DLC1: variants seen among roughly 807,000 people sequenced by gnomAD.
DLC1 encodes the protein rho GTPase-activating protein 7.
Under a neutral mutation model 140.3 loss-of-function variants are expected in DLC1, and 54 were observed. The ratio of observed to expected loss-of-function variants is 0.38; its 90% confidence interval spans 0.31 to 0.48. The LOEUF (loss-of-function observed/expected upper bound fraction) is 0.48. Ranked by LOEUF, DLC1 falls within the 20% of genes least tolerant of loss-of-function variation. DLC1 has a pLI of 0.96. For missense variants in DLC1, 2,536 were observed against 1,907.0 expected, an observed-to-expected ratio of 1.33 and a Z score of -6.14; for synonymous variants, 986 against 728.1, an observed-to-expected ratio of 1.35 and a Z score of -5.70.
chr8:13,381,102 G>A (rs1029914883), intron 4 of DLC1, among the ~76,000 whole-genome samples: 1 of 152,164 alleles, frequency 6.6e-6, no homozygotes, highest in African/African-American at 2.4e-5. Flanking sequence ...GCTTGTTGGG[G>A]TGTCTAGCTG....
At chr8:13,282,166 T>C (rs1831386489) in intron 5 of DLC1, among the ~76,000 whole-genome samples, 3 of 152,230 alleles carry the variant, frequency 2.0e-5, no homozygotes, top group Admixed American at 6.5e-5. Context: ...GAATTCTAGC[T>C]ATTAGTATAT....
intron 5 of DLC1, among the ~76,000 whole-genome samples, chr8:13,195,123 C>T (rs1826974460): frequency 6.6e-6 from 1 of 152,198 alleles, no homozygotes; most frequent in Non-Finnish European, 1.5e-5. Flanking sequence ...GGCTATTTCT[C>T]ATTTATTTGG....
chr8:13,211,165 A>G (rs1435768413), intron 5 of DLC1, among the ~76,000 whole-genome samples: 7 of 152,168 alleles, frequency 4.6e-5, no homozygotes, highest in African/African-American at 1.7e-4. Flanking sequence ...ACGACCTGGA[A>G]GTTACATTAT....
chr8:13,339,954 C>T (rs1370625836), intron 4 of DLC1: 2 of 152,120 alleles, frequency 1.3e-5, no homozygotes, highest in African/African-American at 4.8e-5. Flanking sequence ...CTGCCATAAT[C>T]CTCGGGAGAC....
At chr8:13,598,600 T>G (rs1238806975) in intron 1 of DLC1, among the ~76,000 whole-genome samples, 1 of 152,142 alleles carries the variant, frequency 6.6e-6, no homozygotes, top group Non-Finnish European at 1.5e-5. Context: ...TTTGAAAGTT[T>G]TATTTCAATC....
intron 2 of DLC1, among the ~76,000 whole-genome samples, chr8:13,498,442 G>A (rs1315466914): frequency 1.2e-4 from 19 of 152,106 alleles, no homozygotes; most frequent in Non-Finnish European, 1.5e-5. Flanking sequence ...GCCTTTTCTG[G>A]TTGACAGTTA....
intron 1 of DLC1, among the ~76,000 whole-genome samples, chr8:13,529,823 C>A (rs548637134): frequency 9.9e-5 from 15 of 152,238 alleles, no homozygotes; most frequent in African/African-American, 3.6e-4. Context: ...CTCCTGCATA[C>A]TAAGTTGAAT....
intron 4 of DLC1, among the ~76,000 whole-genome samples, chr8:13,338,316 A>G (rs1833891587): frequency 6.6e-6 from 1 of 152,184 alleles, no homozygotes; most frequent in Admixed American, 6.5e-5. Context: ...CGAAAAAAAT[A>G]CTATTTTAGT....
chr8:13,343,361 C>G (rs1209706701), intron 4 of DLC1, among the ~76,000 whole-genome samples: 3 of 152,086 alleles, frequency 2.0e-5, no homozygotes, highest in Admixed American at 1.3e-4. Flanking sequence ...CTGCATAACT[C>G]CTGAGATTGT....
intron 5 of DLC1, among the ~76,000 whole-genome samples, chr8:13,268,280 G>C (rs1299428747): frequency 6.6e-6 from 1 of 152,182 alleles, no homozygotes; most frequent in African/African-American, 2.4e-5. Flanking sequence ...ATAAAGAGGA[G>C]AATGGCCAGT....
In DLC1 at chr8:13,393,589, A is replaced by T. The variant is rs755230151; in HGVS notation, c.1278T>A (p.Thr426=). Residue 426 remains threonine (T), a synonymous_variant, in exon 4 of 18, where the codon ACT becomes ACA. Coordinates refer to ENST00000276297, the MANE Select transcript of DLC1 (RefSeq NM_182643.3). ...DTESTDLPSS[T]PVANSGTKPK... ...GTTTGGTTCCAGAATTGGCTACTGG[A>T]GTGGAAGATGGGAGGTCCGTGGACT... 8.1e-6 allele frequency: 13 copies of T among 1,613,970 alleles called. No individual in the cohort carries two copies. Among genetic ancestry groups the T allele is most frequent in the Non-Finnish European group, 8.5e-7 (1 of 1,180,030 alleles).
intron 2 of DLC1, among the ~76,000 whole-genome samples, chr8:13,480,531 G>C (rs1305638877): frequency 6.6e-6 from 1 of 152,110 alleles, no homozygotes; most frequent in African/African-American, 2.4e-5. Context: ...GACTGCTATG[G>C]TCTTTGAATC....
chr8:13,541,128 A>G (rs1803470060), intron 1 of DLC1, among the ~76,000 whole-genome samples: 1 of 152,198 alleles, frequency 6.6e-6, no homozygotes, highest in Non-Finnish European at 1.5e-5. Flanking sequence ...TTGTGCATGG[A>G]AGTTGTTCAG....
intron 5 of DLC1, among the ~76,000 whole-genome samples, chr8:13,197,757 C>T (rs1466540114): frequency 6.6e-6 from 1 of 151,830 alleles, no homozygotes; most frequent in South Asian, 2.1e-4. Flanking sequence ...AAGGATTTGG[C>T]ATAAAAAATG....
At chr8:13,595,012 T>G (rs916927442) in intron 1 of DLC1, among the ~76,000 whole-genome samples, 18 of 151,968 alleles carry the variant, frequency 1.2e-4, no homozygotes, top group Admixed American at 1.2e-3. Flanking sequence ...CTTCTTCAAT[T>G]GTTGTGAGAA....
chr8:13,520,220 A>T (rs1802720949), intron 1 of DLC1, among the ~76,000 whole-genome samples: 1 of 152,238 alleles, frequency 6.6e-6, no homozygotes, highest in Admixed American at 6.5e-5. Flanking sequence ...CTTGGAACCA[A>T]CCCAAATGTC....
intron 5 of DLC1, among the ~76,000 whole-genome samples, chr8:13,218,602 C>T (rs528348430): frequency 2.0e-5 from 3 of 151,478 alleles, no homozygotes; most frequent in Non-Finnish European, 4.4e-5. Context: ...GGACAGCTAT[C>T]ATAATTTGAG....
chr8:13,115,608 G>C lies in DLC1; in HGVS notation c.1398C>G (p.Pro466=). 6 of 1,613,880 alleles carry C rather than the reference G, an allele frequency of 3.7e-6. No individual in the cohort carries two copies. The highest frequency in any genetic ancestry group is 5.1e-6 in the Non-Finnish European group (6 of 1,179,900). ...TACCTTCATAAAGCTGTGCATACTG[G>C]GGGAAACCAGTTGCCCGTAGCCAAT... ...ACDWLRATGF[P]QYAQLYEDFL... The change falls in exon 6 of 18, where the codon CCC becomes CCG. Residue 466 remains proline, a synonymous_variant. Coordinates refer to ENST00000276297, the MANE Select transcript of DLC1 (RefSeq NM_182643.3).
At chr8:13,193,035 C>G (rs1445947645) in intron 5 of DLC1, among the ~76,000 whole-genome samples, 1 of 152,182 alleles carries the variant, frequency 6.6e-6, no homozygotes, top group Non-Finnish European at 1.5e-5. Context: ...TCTTTCATGT[C>G]TGTTCCCTTG....
Sources: gnomAD v4.1 joint callset for allele counts (sites outside exome capture counted in the v4.1 genomes callset) on GRCh38, gnomAD v4.1.1 for gene constraint, MANE v1.5 for transcripts, NCBI Gene and HGNC (gene_info 2026-07-23, HGNC 2026-07-21) for gene names.